Variants in ZNF584 observed in about 807,000 individuals in gnomAD.
The protein encoded by ZNF584 is zinc finger protein 584.
ZNF584 carries 12 observed loss-of-function variants against 14.7 expected under a neutral mutation model. The observed-to-expected ratio is 0.82, with a 90% confidence interval of 0.52 to 1.32. The LOEUF (loss-of-function observed/expected upper bound fraction) is 1.32, where lower values mean the gene tolerates loss of function less well. Among genes scored for constraint, ZNF584 ranks in the 40% most tolerant of loss-of-function variants. ZNF584 has a pLI of 0.00. For synonymous variants in ZNF584, 204 were observed against 190.9 expected (o/e 1.07, Z -0.57); for missense variants, 478 against 518.8 (o/e 0.92, Z 0.76).
At position 58,417,513 on chromosome 19, in the gene ZNF584, G is replaced by A. The variant is rs778424579; in HGVS notation, c.995G>A (p.Gly332Glu). The change falls in exon 4 of 4, where the codon GGG becomes GAG. Residue 332 changes from glycine to glutamate, a missense_variant. Gly to Glu is a moderately conservative substitution (Grantham distance 98). Coordinates refer to ENST00000306910, the MANE Select transcript of ZNF584 (RefSeq NM_173548.3). ...AGGCCTTTTGAATGCAAGCAATGTG[G>A]GAAAGGCTACGTGACCCGTTCAGGC... ...GERPFECKQCGKGYVTRSGLY... is the reference protein window; with the variant it reads ...GERPFECKQCEKGYVTRSGLY... 6.2e-7 allele frequency: 1 copy of A among 1,614,198 alleles called. No homozygotes were observed. Among genetic ancestry groups the A allele is most frequent in the Non-Finnish European group, 8.5e-7 (1 of 1,180,046 alleles).
At chr19:58,413,361 T>G (rs538125479) in intron 2 of ZNF584, among the ~76,000 whole-genome samples, 1 of 152,228 alleles carries the variant, frequency 6.6e-6, no homozygotes, top group Non-Finnish European at 1.5e-5. Flanking sequence ...TTTTTAATTT[T>G]TCTTTTTGAG....
upstream of ZNF584, chr19:58,405,595 G>A (rs1253168050): frequency 8.4e-5 from 14 of 167,524 alleles, no homozygotes; most frequent in South Asian, 8.2e-4. Context: ...CAGACGGGGC[G>A]GCTGCCGGGC....
upstream of ZNF584, chr19:58,405,807 TC>T (rs1208052004): frequency 6.3e-6 from 1 of 158,156 alleles, no homozygotes; most frequent in Non-Finnish European, 1.4e-5. Context: ...GAAGAGGCGC[TC>T]CTCACTTCCT....
At chr19:58,410,647 GTATA>G (rs1202119449) in intron 2 of ZNF584, among the ~76,000 whole-genome samples, 1 of 25,916 alleles carries the variant, frequency 3.9e-5, no homozygotes, top group Non-Finnish European at 6.2e-5. Flanking sequence ...ATATATATGT[GTATA>G]TATGTGTATA....
rs536174809 is a variant in ZNF584 at position 58,416,562 on chromosome 19, C to G, written c.293-249C>G. 5 of 337,108 alleles carry G rather than the reference C, an allele frequency of 1.5e-5. No homozygotes were observed. The South Asian group carries it at 2.5e-4, about 17-fold the overall frequency. The allele number at this position is 337,108 out of a possible 1,614,324, so 20.9% of individuals were successfully genotyped here. On this transcript the variant is annotated intron_variant, in intron 3 of 3. Coordinates refer to ENST00000306910, the MANE Select transcript of ZNF584 (RefSeq NM_173548.3). ...GGATTACAGGCATGCATCACCACAC[C>G]CGGCTAATTTTGTATTTTTAGAAGA...
chr19:58,418,092 T>C lies in ZNF584; in HGVS notation c.*308T>C. The stretch of plus-strand genomic sequence containing the variant: ...GCTCTAAACAGTAGAGAATCGTTAA[T>C]AGTGGAGCCCAAAACAGGCCTCATT... On this transcript the variant is annotated 3_prime_UTR_variant, in exon 4 of 4. Transcript: ENST00000306910. 3.1e-6 allele frequency: 1 copy of C among 321,222 alleles called. No individual in the cohort carries two copies. Among genetic ancestry groups the C allele is most frequent in the South Asian group, 5.8e-5 (1 of 17,316 alleles). 19.9% of individuals were successfully genotyped at this position (321,222 alleles called of 1,614,324 possible).
intron 2 of ZNF584, among the ~76,000 whole-genome samples, chr19:58,414,256 AT>A (rs756535791): frequency 6.6e-6 from 1 of 151,688 alleles, no homozygotes; most frequent in Non-Finnish European, 1.5e-5. Flanking sequence ...TCTGTTGTTG[AT>A]TTCTGTTTTA....
At chr19:58,402,750 G>A (rs930506811) in intron 1 of ZNF584, among the ~76,000 whole-genome samples, 1 of 151,254 alleles carries the variant, frequency 6.6e-6, no homozygotes, top group Admixed American at 6.6e-5. Context: ...CTTGAACTCG[G>A]GAGGCGGAGG....
intron 1 of ZNF584, among the ~76,000 whole-genome samples, chr19:58,403,103 A>G (rs574966012): frequency 6.6e-6 from 1 of 152,358 alleles, no homozygotes; most frequent in African/African-American, 2.4e-5. Flanking sequence ...CCACTTTGGA[A>G]GACAGTTTGG....
intron 2 of ZNF584, among the ~76,000 whole-genome samples, chr19:58,414,365 G>A (rs1389505273): frequency 6.6e-6 from 1 of 151,926 alleles, no homozygotes; most frequent in African/African-American, 2.4e-5. Context: ...TTGAGACAGA[G>A]TCTTGCTCTG....
At position 58,409,184 on chromosome 19, in the gene ZNF584, C is replaced by T. The variant is rs147393087; in HGVS notation, c.18+19C>T. On this transcript the variant is annotated intron_variant, in intron 1 of 3. Coordinates refer to ENST00000306910, the MANE Select transcript of ZNF584 (RefSeq NM_173548.3). ...GGCGGAGGTGAGCAGAGGATGCCTC[C>T]GAGGAATGAGGGGGCCCACCAGGTG... 2.5e-5 allele frequency: 35 copies of T among 1,420,026 alleles called. No homozygotes were observed. Among genetic ancestry groups the T allele is most frequent in the Non-Finnish European group, 3.2e-5 (35 of 1,078,684 alleles). 88.0% of individuals were successfully genotyped at this position (1,420,026 alleles called of 1,614,324 possible).
chr19:58,401,768 G>A (rs1330286668), intron 1 of ZNF584: 2 of 149,910 alleles, frequency 1.3e-5, no homozygotes, highest in African/African-American at 2.5e-5. Context: ...CGGCCCCGCG[G>A]GCTTAAGTTG....
intron 1 of ZNF584, among the ~76,000 whole-genome samples, chr19:58,402,170 G>T (rs1372586922): frequency 3.3e-5 from 5 of 152,192 alleles, no homozygotes. Context: ...TGCAGACCTG[G>T]TTAGTGCTGA....
chr19:58,413,648 C>T (rs2052604252), intron 2 of ZNF584, among the ~76,000 whole-genome samples: 1 of 149,360 alleles, frequency 6.7e-6, no homozygotes, highest in Non-Finnish European at 1.5e-5. Context: ...CATGGTCCAC[C>T]ACACCTGGCT....
Position 58,417,500 on chromosome 19 carries a change from T to C in ZNF584, c.982T>C (p.Cys328Arg). The C allele has an allele frequency of 6.2e-7, 1 of 1,614,204 alleles. No homozygotes were observed. Among genetic ancestry groups the C allele is most frequent in the Non-Finnish European group, 8.5e-7 (1 of 1,180,034 alleles). Residue 328 changes from cysteine to arginine, a missense_variant, in exon 4 of 4, where the codon TGC becomes CGC. Around this residue, in one of 3 missense-constraint regions of ZNF584, gnomAD observed 283 missense variants for 317.3 expected, o/e 0.89. Transcript: ENST00000306910. ...RVHTGERPFECKQCGKGYVTR... is the reference protein window; with the variant it reads ...RVHTGERPFERKQCGKGYVTR... Reference sequence around the variant, plus strand: ...TCACACTGGAGAAAGGCCTTTTGAATGCAAGCAATGTGGGAAAGGCTACGT... The same window carrying C: ...TCACACTGGAGAAAGGCCTTTTGAACGCAAGCAATGTGGGAAAGGCTACGT...
At chr19:58,405,091 G>A (rs539599281), upstream of ZNF584, 4 of 145,230 alleles carry the variant, frequency 2.8e-5, no homozygotes, top group African/African-American at 5.3e-5. Flanking sequence ...CGGGCAGAGG[G>A]GCTCCTCACT....
upstream of ZNF584, chr19:58,408,545 T>C (rs2052496406): frequency 6.6e-6 from 1 of 152,376 alleles, no homozygotes; most frequent in African/African-American, 2.4e-5. Flanking sequence ...ACGTTCCCGT[T>C]CCTGGGCCGC....
chr19:58,410,545 A>ATATATATATG lies in ZNF584; in HGVS notation c.169+463_169+464insGTATATATAT, dbSNP rs1555785539. On this transcript the variant is annotated intron_variant, in intron 2 of 3. Transcript: ENST00000306910. ...TATATATATATATATATATATATAT[A>ATATATATATG]TATATATATATATGTGTATATATAT... Among the ~76,000 whole-genome samples, 14 of 30,588 alleles carry ATATATATATG rather than the reference A, an allele frequency of 4.6e-4. 3 individuals are homozygous for ATATATATATG. The highest frequency in any genetic ancestry group is 3.8e-3 in the African/African-American group (14 of 3,690). The allele number at this position is 30,588 out of a possible 152,430, so 20.1% of individuals were successfully genotyped here.
chr19:58,410,541 A>AATTTTTTTTTTTTTTTTTTTTTTTTTTTT (rs1555785528), intron 2 of ZNF584, among the ~76,000 whole-genome samples: 1 of 43,800 alleles, frequency 2.3e-5, no homozygotes, highest in African/African-American at 1.9e-4. Flanking sequence ...ATATATATAT[A>AATTTTTTTTTTTTTTTTTTTTTTTTTTTT]TATATATATA....
Sources: gnomAD v4.1 joint callset for allele counts (sites outside exome capture counted in the v4.1 genomes callset) on GRCh38, gnomAD v4.1.1 for gene constraint, gnomAD v4.1.1 regional missense constraint, MANE v1.5 for transcripts, NCBI Gene and HGNC (gene_info 2026-07-23, HGNC 2026-07-21) for gene names.